ATAD3A: variants seen among roughly 807,000 people sequenced by gnomAD.
ATAD3A encodes the protein ATPase family AAA domain containing 3A, also known as ATPase family AAA domain-containing protein 3A.
A neutral mutation model predicts 73.8 loss-of-function variants in ATAD3A; 46 were observed. The ratio of observed to expected loss-of-function variants is 0.62; its 90% confidence interval spans 0.49 to 0.80. The LOEUF (loss-of-function observed/expected upper bound fraction) is 0.80. Among genes scored for constraint, ATAD3A ranks in the 30% least tolerant of loss-of-function variants. ATAD3A has a pLI of 0.00. For synonymous variants in ATAD3A, 319 were observed against 350.0 expected (o/e 0.91, Z 0.99); for missense variants, 705 against 838.0 (o/e 0.84, Z 1.96).
chr1:1,527,860 G>A lies in ATAD3A; in HGVS notation c.1503G>A (p.Lys501=), dbSNP rs1036583584. 1.2e-6 allele frequency: 2 copies of A among 1,611,982 alleles called. No individual in the cohort carries two copies. Among genetic ancestry groups the A allele is most frequent in the Non-Finnish European group, 1.7e-6 (2 of 1,178,930 alleles). Residue 501 remains lysine (K), a splice_region_variant and synonymous_variant, in exon 14 of 16, where the codon AAG becomes AAA. Coordinates refer to ENST00000378756, the MANE Select transcript of ATAD3A (RefSeq NM_001170535.3). ...TTCTTAAGCCGGCCACAGAAGGAAA[G>A]CAGTAAGTGTCCCGCCCCACCAGCC... ...KYVLKPATEG[K]QRLKLAQFDY... is the part of the protein sequence containing the mutation.
intron 12 of ATAD3A, 33 bp downstream of exon 12, chr1:1,525,324 G>C (rs766729444): frequency 6.2e-7 from 1 of 1,613,302 alleles, no homozygotes; most frequent in African/African-American, 1.3e-5. Context: ...CCACAATGGG[G>C]TGGTGGGGTG....
chr1:1,526,562 G>A (rs367922306), intron 13 of ATAD3A, 31 bp downstream of exon 13: 125 of 1,611,656 alleles, frequency 7.8e-5, no homozygotes, highest in African/African-American at 7.2e-4. Context: ...CTGGGCCCCC[G>A]GGCAGGGCTG....
intron 2 of ATAD3A, 91 bp downstream of exon 2, chr1:1,516,179 G>T: frequency 6.3e-7 from 1 of 1,583,728 alleles, no homozygotes; most frequent in Non-Finnish European, 8.6e-7. Context: ...GGTAGGGCCG[G>T]GGGTGTGTAC....
At chr1:1,518,708 C>G (rs918306242) in intron 4 of ATAD3A, among the ~76,000 whole-genome samples, 5 of 136,566 alleles carry the variant, frequency 3.7e-5, no homozygotes, top group Non-Finnish European at 7.9e-5. Flanking sequence ...GGTGCACAAC[C>G]CACCCACACA....
chr1:1,527,981 C>CTTTGTCTCAA, intron 14 of ATAD3A, 119 bp downstream of exon 14: 1 of 1,128,430 alleles, frequency 8.9e-7, no homozygotes, highest in Non-Finnish European at 1.2e-6. Flanking sequence ...TTTTTTGAGA[C>CTTTGTCTCAA]AAAGTCTCAT....
chr1:1,531,212 T>C (rs1642022637), intron 15 of ATAD3A, among the ~76,000 whole-genome samples: 3 of 152,204 alleles, frequency 2.0e-5, no homozygotes, highest in East Asian at 1.9e-4. Flanking sequence ...CCTAGCACTT[T>C]GGGAGGCCAA....
Position 1,522,270 on chromosome 1 carries a change from A to C in ATAD3A, c.751-474A>C, listed in dbSNP as rs1570337566. ...GGGTTAGGCTGGTCTTGAACTCTTG[A>C]CCTCAGGTGATCCACCTGCCTCAGC... On this transcript the variant is annotated intron_variant, in intron 7 of 15. Transcript: ENST00000378756. Among the ~76,000 whole-genome samples, 6 of 151,970 alleles carry C rather than the reference A, an allele frequency of 3.9e-5. No individual in the cohort carries two copies. In the South Asian group the frequency reaches 1.2e-3, roughly 32 times the overall value.
Position 1,520,587 on chromosome 1 carries a change from T to C in ATAD3A, c.720T>C (p.Phe240=). Residue 240 remains phenylalanine (F), a synonymous_variant, in exon 7 of 16, where the codon TTT becomes TTC. Transcript: ENST00000378756. The surrounding 1 kb of genome is among the most constrained non-coding windows in gnomAD (Gnocchi z 4.0). ...TGTTTGGGGAAGGATTCCGTGCCTT[T>C]GTGACAGACTGGGACAAAGTGACAG... The part of the protein sequence containing the change: ...GTLFGEGFRA[F]VTDWDKVTAT... 1.2e-6 allele frequency: 2 copies of C among 1,613,758 alleles called. No individual in the cohort carries two copies. Among genetic ancestry groups the C allele is most frequent in the Non-Finnish European group, 1.7e-6 (2 of 1,179,880 alleles).
Sources: allele counts gnomAD v4.1 joint callset (sites outside exome capture counted in the v4.1 genomes callset), GRCh38; gene constraint gnomAD v4.1.1; non-coding constraint Gnocchi (gnomAD v3.1); transcripts MANE v1.5; gene names NCBI Gene and HGNC (gene_info 2026-07-23, HGNC 2026-07-21).